ZFHX3: variants seen among roughly 807,000 people sequenced by gnomAD.
The protein encoded by ZFHX3 is zinc finger homeobox 3, also known as zinc finger homeobox protein 3.
Under a neutral mutation model 279.1 loss-of-function variants are expected in ZFHX3, and 42 were observed. The ratio of observed to expected loss-of-function variants is 0.15; its 90% confidence interval spans 0.12 to 0.19. The LOEUF (loss-of-function observed/expected upper bound fraction) is 0.19. Among genes scored for constraint, ZFHX3 ranks in the 10% least tolerant of loss-of-function variants. The pLI, the probability that ZFHX3 is intolerant of heterozygous loss-of-function variation, is 1.00. For synonymous variants in ZFHX3, 2,293 were observed against 1,957.8 expected, an observed-to-expected ratio of 1.17 and a Z score of -4.52; for missense variants, 4,981 against 4,754.0, an observed-to-expected ratio of 1.05 and a Z score of -1.40.
rs1394425885 is a variant in ZFHX3 at position 73,070,928 on chromosome 16, GCGCGCGCGCGCACA to G, written c.-532-11930_-532-11917del. Among the ~76,000 whole-genome samples the G allele has an allele frequency of 3.8e-4, 12 of 31,416 alleles. 1 individual carries two copies. The highest frequency in any genetic ancestry group is 5.7e-4 in the African/African-American group (7 of 12,298). 20.6% of individuals were successfully genotyped at this position (31,416 alleles called of 152,430 possible). On this transcript the variant is annotated intron_variant, in intron 8 of 17. Coordinates refer to the ZFHX3 transcript ENST00000641206. ...CCTAGACCGTCTTGCGCGCGCGCGCGCGCGCGCGCGCACACACACACACACACACACACACACAC... is the reference window on the plus strand; with the variant it reads ...CCTAGACCGTCTTGCGCGCGCGCGCGCACACACACACACACACACACACAC...
At chr16:72,991,642 G>T (rs1963099032) in intron 1 of ZFHX3, among the ~76,000 whole-genome samples, 1 of 152,148 alleles carries the variant, frequency 6.6e-6, no homozygotes, top group South Asian at 2.1e-4. Flanking sequence ...CAAAGAACAT[G>T]TTCTCATGTC....
At chr16:73,535,726 T>TG (rs1483267573) in intron 2 of ZFHX3, among the ~76,000 whole-genome samples, 1 of 150,630 alleles carries the variant, frequency 6.6e-6, no homozygotes, top group Non-Finnish European at 1.5e-5. Context: ...CCCTATCTTT[T>TG]TTTTTTTTTT....
chr16:73,303,916 C>T (rs138781826), intron 4 of ZFHX3, among the ~76,000 whole-genome samples: 51 of 131,760 alleles, frequency 3.9e-4, no homozygotes, highest in African/African-American at 1.4e-3. Context: ...CTCTGAATCA[C>T]TAAGTGATGC....
intron 4 of ZFHX3, among the ~76,000 whole-genome samples, chr16:73,257,765 A>G (rs2013700964): frequency 6.6e-6 from 1 of 152,214 alleles, no homozygotes; most frequent in Non-Finnish European, 1.5e-5. Flanking sequence ...TATTAATCCT[A>G]TAATAATTTA....
intron 2 of ZFHX3, among the ~76,000 whole-genome samples, chr16:73,492,900 A>G (rs1386563012): frequency 6.6e-6 from 1 of 152,192 alleles, no homozygotes; most frequent in Non-Finnish European, 1.5e-5. Flanking sequence ...ATTATTTCTC[A>G]CTGTAACCAC....
intron 4 of ZFHX3, among the ~76,000 whole-genome samples, chr16:73,263,081 C>T (rs996584350): frequency 1.3e-5 from 2 of 152,296 alleles, no homozygotes; most frequent in South Asian, 2.1e-4. Flanking sequence ...CAATAAAATG[C>T]TTGTTGTTTT....
intron 3 of ZFHX3, among the ~76,000 whole-genome samples, chr16:73,324,210 T>C (rs542434331): frequency 1.3e-5 from 2 of 152,342 alleles, no homozygotes; most frequent in Non-Finnish European, 2.9e-5. Flanking sequence ...GAAATTCACC[T>C]GGGATTTGTC....
chr16:73,101,472 T>G (rs1205379773), intron 7 of ZFHX3, among the ~76,000 whole-genome samples: 1 of 152,116 alleles, frequency 6.6e-6, no homozygotes, highest in East Asian at 1.9e-4. Context: ...TCCGTCTCCC[T>G]GGTTCGAGCA....
Position 73,573,936 on chromosome 16 carries a change from A to G in ZFHX3, c.-1547+106244T>C, listed in dbSNP as rs371780578. On this transcript the variant is annotated intron_variant, in intron 2 of 17. Transcript: ENST00000641206. ...TGCTGGTCCACCCATACCTACCGTGACTCTCCAGCCTGCTTACCTGTATCC... is the reference window on the plus strand; with the variant it reads ...TGCTGGTCCACCCATACCTACCGTGGCTCTCCAGCCTGCTTACCTGTATCC... Among the ~76,000 whole-genome samples the G allele has an allele frequency of 2.5e-4, 38 of 151,934 alleles. 1 individual carries two copies. Among genetic ancestry groups the G allele is most frequent in the African/African-American group, 8.5e-4 (35 of 41,420 alleles).
At position 73,320,858 on chromosome 16, in the gene ZFHX3, C is replaced by T. The variant is rs766388947; in HGVS notation, c.-1290-2522G>A. Reference sequence around the variant, plus strand: ...ATAAAGTGAAGTGAAGCCTTCACACCGGCAAATGTCTCTTGAATTGGACAC... The same window carrying T: ...ATAAAGTGAAGTGAAGCCTTCACACTGGCAAATGTCTCTTGAATTGGACAC... On this transcript the variant is annotated intron_variant, in intron 3 of 17. Coordinates refer to the ZFHX3 transcript ENST00000641206. Among the ~76,000 whole-genome samples the T allele has an allele frequency of 1.5e-4, 23 of 152,148 alleles. 1 individual carries two copies. Among genetic ancestry groups the T allele is most frequent in the Admixed American group, 8.5e-4 (13 of 15,276 alleles).
intron 3 of ZFHX3, among the ~76,000 whole-genome samples, chr16:72,923,471 C>T (rs937055047): frequency 7.4e-5 from 11 of 148,080 alleles, no homozygotes; most frequent in Non-Finnish European, 1.3e-4. Flanking sequence ...AAAAAAAAGA[C>T]GCTATGAATA....
chr16:73,786,738 G>C (rs1597115236), intron 1 of ZFHX3, among the ~76,000 whole-genome samples: 2 of 152,294 alleles, frequency 1.3e-5, no homozygotes, highest in South Asian at 2.1e-4. Flanking sequence ...AAAGCTCCAG[G>C]CTTCTGATGA....
intron 2 of ZFHX3, among the ~76,000 whole-genome samples, chr16:73,469,286 T>G (rs1319546467): frequency 6.6e-6 from 1 of 152,036 alleles, no homozygotes; most frequent in Non-Finnish European, 1.5e-5. Flanking sequence ...CCAAGAGAAC[T>G]TCAGGGAAGC....
At chr16:73,403,076 G>A (rs531745780) in intron 3 of ZFHX3, among the ~76,000 whole-genome samples, 40 of 152,282 alleles carry the variant, frequency 2.6e-4, no homozygotes, top group Middle Eastern at 3.4e-3. Context: ...GCATGTGTGT[G>A]CATGTGTGTG....
At chr16:73,049,476 T>C (rs1452728162), upstream of ZFHX3, among the ~76,000 whole-genome samples, 3 of 152,256 alleles carry the variant, frequency 2.0e-5, no homozygotes, top group Non-Finnish European at 4.4e-5. Flanking sequence ...CATCCCCGTA[T>C]AGAAGGCTTT....
intron 3 of ZFHX3, among the ~76,000 whole-genome samples, chr16:72,922,433 C>A (rs1472114733): frequency 1.3e-5 from 2 of 152,176 alleles, no homozygotes; most frequent in African/African-American, 4.8e-5. Flanking sequence ...TCCTATTCCA[C>A]CCATTATGCC....
Position 73,557,117 on chromosome 16 carries a change from A to AG in ZFHX3, c.-1546-100860_-1546-100859insC, listed in dbSNP as rs1429222826. 5.9e-3 allele frequency among the ~76,000 whole-genome samples: 856 copies of AG among 143,968 alleles called. 24 individuals are homozygous for AG. Among genetic ancestry groups the AG allele is most frequent in the African/African-American group, 0.023 (791 of 34,874 alleles). 94.4% of individuals were successfully genotyped at this position (143,968 alleles called of 152,430 possible). Reference sequence around the variant, plus strand: ...CTCAAAAAAAAAAAAAAAAAAAAAAAAAAGGCCTCAGTGAGCTGAGACAGC... The same window carrying AG: ...CTCAAAAAAAAAAAAAAAAAAAAAAAGAAAGGCCTCAGTGAGCTGAGACAGC... On this transcript the variant is annotated intron_variant, in intron 2 of 17. Transcript: ENST00000641206.
At position 73,435,952 on chromosome 16, in the gene ZFHX3, G is replaced by A. The variant is rs748781823; in HGVS notation, c.-1291+20051C>T. On this transcript the variant is annotated intron_variant, in intron 3 of 17. Coordinates refer to the ZFHX3 transcript ENST00000641206. ...CTGAATGGGTGGTGAGTTCTCCCAC[G>A]GCCCAGTGCACTAGGGATGGCTGCT... Among the ~76,000 whole-genome samples, 4 of 152,310 alleles carry A rather than the reference G, an allele frequency of 2.6e-5. No homozygotes were observed. In the East Asian group the frequency reaches 7.7e-4, roughly 29 times the overall value.
chr16:73,850,078 G>A (rs976026935), intron 1 of ZFHX3, among the ~76,000 whole-genome samples: 1 of 152,140 alleles, frequency 6.6e-6, no homozygotes, highest in Non-Finnish European at 1.5e-5. Flanking sequence ...TGAGTAATTT[G>A]CCACGATTTA....
Sources: allele counts gnomAD v4.1 joint callset (sites outside exome capture counted in the v4.1 genomes callset), GRCh38; gene constraint gnomAD v4.1.1; transcripts MANE v1.5; gene names NCBI Gene and HGNC (gene_info 2026-07-23, HGNC 2026-07-21).